The following DNAH11 variants were observed in gnomAD, a reference collection of about 807,000 sequenced individuals.
DNAH11 encodes dynein axonemal heavy chain 11, also known as axonemal beta dynein heavy chain 11.
A neutral mutation model predicts 526.0 loss-of-function variants in DNAH11; 442 were observed. The ratio of observed to expected loss-of-function variants is 0.84; its 90% CI spans 0.78 to 0.91. The LOEUF (loss-of-function observed/expected upper bound fraction) is 0.91. Ranked by LOEUF, DNAH11 falls within the 40% of genes least tolerant of loss-of-function variation. The probability of loss-of-function intolerance (pLI) is 0.00; values close to 1 mark genes in which losing one functional copy is unlikely to be tolerated. For missense variants in DNAH11, 6,989 were observed against 5,448.7 expected (o/e 1.28, Z -8.90); for synonymous variants, 2,461 against 1,935.9 (o/e 1.27, Z -7.12).
intron 31 of DNAH11, among the ~76,000 whole-genome samples, chr7:21,683,362 ATTGGT>A (rs934177360): frequency 1.3e-5 from 2 of 152,216 alleles, no homozygotes; most frequent in African/African-American, 4.8e-5. Flanking sequence ...CTAAAAGCAG[ATTGGT>A]TTTAGAATGA....
In DNAH11 at chr7:21,591,209, G is replaced by A. The variant is rs766354452; in HGVS notation, c.2299G>A (p.Val767Met). 5 of 1,555,182 alleles carry A rather than the reference G, an allele frequency of 3.2e-6. No individual in the cohort carries two copies. The highest frequency in any genetic ancestry group is 4.1e-5 in the Admixed American group (2 of 48,878). Residue 767 changes from valine to methionine, a missense_variant, in exon 14 of 82, where the codon GTG becomes ATG. Val to Met is a conservative substitution (Grantham distance 21). Coordinates refer to ENST00000409508, the MANE Select transcript of DNAH11 (RefSeq NM_001277115.2). ...GTACATTGGAAATCTTGACCTTCTT[G>A]TGCAAGGGTATAATAAACTCAAACA... ...LKYIGNLDLL[V>M]QGYNKLKQTL...
At chr7:21,720,306 G>A (rs138803476) in intron 43 of DNAH11, among the ~76,000 whole-genome samples, 62 of 152,290 alleles carry the variant, frequency 4.1e-4, no homozygotes, top group South Asian at 8.3e-4. Flanking sequence ...ATCCATTCCA[G>A]TGGTGGTGTA....
At chr7:21,758,915 C>T (rs967713984) in intron 54 of DNAH11, among the ~76,000 whole-genome samples, 10 of 152,218 alleles carry the variant, frequency 6.6e-5, no homozygotes, top group Non-Finnish European at 8.8e-5. Context: ...TCAGCAGAAA[C>T]ACCATCTACT....
chr7:21,640,183 A>G (rs141927449), intron 28 of DNAH11, among the ~76,000 whole-genome samples: 19 of 152,340 alleles, frequency 1.2e-4, no homozygotes, highest in African/African-American at 4.6e-4. Context: ...GGCTTTGCAA[A>G]TAAAATCTGT....
intron 57 of DNAH11, among the ~76,000 whole-genome samples, chr7:21,782,547 A>G (rs1033130966): frequency 6.6e-6 from 1 of 152,238 alleles, no homozygotes; most frequent in African/African-American, 2.4e-5. Context: ...GTTTATAAAA[A>G]TTACCCAAAG....
chr7:21,891,451 G>A (rs1378486504), intron 76 of DNAH11, among the ~76,000 whole-genome samples: 2 of 152,148 alleles, frequency 1.3e-5, no homozygotes, highest in Non-Finnish European at 2.9e-5. Flanking sequence ...AGAGCAATCA[G>A]GGAAAAATAA....
At chr7:21,740,904 G>GT (rs1008974355) in intron 48 of DNAH11, among the ~76,000 whole-genome samples, 3 of 152,128 alleles carry the variant, frequency 2.0e-5, no homozygotes, top group East Asian at 1.9e-4. Flanking sequence ...GTTTTGTTTT[G>GT]TTTTTTGACA....
intron 35 of DNAH11, among the ~76,000 whole-genome samples, chr7:21,696,218 A>G (rs112381856): frequency 0.022 from 2,575 of 118,598 alleles, 52 homozygotes; most frequent in Non-Finnish European, 0.03. Flanking sequence ...TTTCCAACTT[A>G]AAGTTTGCTT....
intron 68 of DNAH11, among the ~76,000 whole-genome samples, chr7:21,859,761 C>G (rs957705177): frequency 6.6e-6 from 1 of 151,792 alleles, no homozygotes; most frequent in African/African-American, 2.4e-5. Context: ...AGAGATATAG[C>G]AATTCATACA....
At chr7:21,784,691 A>G (rs1788098080) in intron 58 of DNAH11, among the ~76,000 whole-genome samples, 151 bp downstream of exon 58, 1 of 152,224 alleles carries the variant, frequency 6.6e-6, no homozygotes, top group Non-Finnish European at 1.5e-5. Flanking sequence ...GTTGAAACAA[A>G]CCATTGAGGT....
intron 31 of DNAH11, 166 bp downstream of exon 31, chr7:21,681,843 T>G: frequency 4.5e-6 from 4 of 883,832 alleles, no homozygotes; most frequent in South Asian, 4.0e-5. Flanking sequence ...GGTTAGCCAA[T>G]ATATTATTCT....
intron 43 of DNAH11, among the ~76,000 whole-genome samples, chr7:21,718,497 G>A (rs559845177): frequency 6.6e-6 from 1 of 152,176 alleles, no homozygotes; most frequent in African/African-American, 2.4e-5. Flanking sequence ...AGGAGTGTCA[G>A]TCTGGATGAA....
intron 25 of DNAH11, among the ~76,000 whole-genome samples, chr7:21,630,168 A>G (rs1308791531): frequency 6.6e-6 from 1 of 150,380 alleles, no homozygotes. Context: ...GATCACAAAG[A>G]AAAAAAAACC....
rs1225494777 is a variant in DNAH11, at chr7:21,637,653, G to A, written c.4768G>A (p.Ala1590Thr). Residue 1590 changes from alanine (A) to threonine (T), a missense_variant, in exon 27 of 82, where the codon GCA becomes ACA. Transcript: ENST00000409508. ...AGCCAAAGTAGAAAATGTGTTAGAA[G>A]CAACGTGCAGACCTAATCTCTATGA... is the stretch of plus-strand genomic sequence containing the variant. ...KTAKVENVLE[A>T]TCRPNLYEKL... 1 of 1,588,532 alleles carries A rather than the reference G, an allele frequency of 6.3e-7. No individual in the cohort carries two copies. The highest frequency in any genetic ancestry group is 8.6e-7 in the Non-Finnish European group (1 of 1,166,610).
At position 21,818,401 on chromosome 7, in the gene DNAH11, C is replaced by T. The variant is rs1206336630; in HGVS notation, c.10691+62C>T. ...TAAATGATTTTCAGCAGCAGCATCT[C>T]TTAGCTTCATAGTCAAGCAGTCTAT... On this transcript the variant is annotated intron_variant, in intron 65 of 81. Coordinates refer to ENST00000409508, the MANE Select transcript of DNAH11 (RefSeq NM_001277115.2). 1.9e-6 allele frequency: 3 copies of T among 1,548,500 alleles called. No homozygotes were observed. In the African/African-American group the frequency reaches 4.1e-5, roughly 21 times the overall value.
chr7:21,895,073 C>G, intron 79 of DNAH11, 74 bp downstream of exon 79: 1 of 1,227,530 alleles, frequency 8.1e-7, no homozygotes, highest in Non-Finnish European at 1.2e-6. Flanking sequence ...AATAATGCTT[C>G]CTAAGAACTA....
At chr7:21,780,715 T>C (rs571013770) in intron 57 of DNAH11, among the ~76,000 whole-genome samples, 20 of 152,338 alleles carry the variant, frequency 1.3e-4, no homozygotes, top group African/African-American at 4.3e-4. Flanking sequence ...GGACATACTA[T>C]TTTTTATGTT....
chr7:21,800,831 A>G lies in DNAH11; in HGVS notation c.10027-306A>G, dbSNP rs7793872. Among the ~76,000 whole-genome samples, 1,488 of 152,170 alleles carry G rather than the reference A, an allele frequency of 9.8e-3. 17 individuals are homozygous for G. Among genetic ancestry groups the G allele is most frequent in the African/African-American group, 0.033 (1,352 of 41,522 alleles). ...CAAGAGCAGAGGGGGATGATAGTGC[A>G]CCCACGGCGTATTTGCATCTTCAGC... On this transcript the variant is annotated intron_variant, in intron 61 of 81. Coordinates refer to ENST00000409508, the MANE Select transcript of DNAH11 (RefSeq NM_001277115.2).
At chr7:21,656,401 G>C (rs1030727520) in intron 29 of DNAH11, among the ~76,000 whole-genome samples, 10 of 152,196 alleles carry the variant, frequency 6.6e-5, no homozygotes, top group African/African-American at 2.4e-4. Flanking sequence ...TTGTGGTTCA[G>C]TAGTCCATTG....
Sources: allele counts gnomAD v4.1 joint callset (sites outside exome capture counted in the v4.1 genomes callset), GRCh38; gene constraint gnomAD v4.1.1; transcripts MANE v1.5; gene names NCBI Gene and HGNC (gene_info 2026-07-23, HGNC 2026-07-21).